The following MACROD2 variants were observed in gnomAD, a reference collection of about 807,000 sequenced individuals.
MACROD2 encodes the protein ADP-ribose glycohydrolase MACROD2.
A neutral mutation model predicts 70.4 loss-of-function variants in MACROD2; 36 were observed. The ratio of observed to expected loss-of-function variants is 0.51; its 90% CI spans 0.39 to 0.68. MACROD2 has a LOEUF of 0.68. MACROD2 is among the 30% of genes least tolerant of loss of function. The pLI, the probability that MACROD2 is intolerant of heterozygous loss-of-function variation, is 0.00. For synonymous variants in MACROD2, 172 were observed against 178.8 expected, an observed-to-expected ratio of 0.96 and a Z score of 0.30; for missense variants, 496 against 538.4, an observed-to-expected ratio of 0.92 and a Z score of 0.78.
rs74179733 is a variant in MACROD2, at chr20:14,082,353, T to A, written c.164-3268T>A. 4.5e-3 allele frequency among the ~76,000 whole-genome samples: 645 copies of A among 143,230 alleles called. 3 individuals are homozygous for A. Among genetic ancestry groups the A allele is most frequent in the Non-Finnish European group, 7.2e-3 (471 of 65,748 alleles). The allele number at this position is 143,230 out of a possible 152,430, so 94.0% of individuals were successfully genotyped here. A position where few individuals can be genotyped will look rare whatever the true frequency, so the allele number is the denominator to read the frequency against. On this transcript the variant is annotated intron_variant, in intron 2 of 17. Transcript: ENST00000684519. The stretch of plus-strand genomic sequence containing the variant: ...GCCACCATGCCCTGCTAATTTTTTG[T>A]ATTTTTTTTTTTTTTTTTTTAGTAG...
intron 4 of MACROD2, among the ~76,000 whole-genome samples, chr20:14,533,406 A>G (rs1217325741): frequency 6.6e-6 from 1 of 152,246 alleles, no homozygotes; most frequent in Non-Finnish European, 1.5e-5. Context: ...TATAAGAAGC[A>G]CATAGCCACA....
At chr20:15,805,735 C>T (rs2063763741) in intron 8 of MACROD2, among the ~76,000 whole-genome samples, 1 of 152,150 alleles carries the variant, frequency 6.6e-6, no homozygotes, top group African/African-American at 2.4e-5. Context: ...CTCGGCCTCC[C>T]AGAGTGCTGG....
chr20:15,015,736 C>T (rs1432268825), intron 5 of MACROD2, among the ~76,000 whole-genome samples: 1 of 152,124 alleles, frequency 6.6e-6, no homozygotes, highest in Non-Finnish European at 1.5e-5. Flanking sequence ...ACAGGTCAGC[C>T]CCTCACTGAA....
At chr20:15,828,354 A>G (rs1396940960) in intron 8 of MACROD2, among the ~76,000 whole-genome samples, 2 of 152,184 alleles carry the variant, frequency 1.3e-5, no homozygotes, top group African/African-American at 2.4e-5. Flanking sequence ...TACAACATAT[A>G]TGAAAGTAGA....
chr20:15,782,728 A>AAT, intron 8 of MACROD2, among the ~76,000 whole-genome samples: 1 of 151,476 alleles, frequency 6.6e-6, no homozygotes, highest in East Asian at 1.9e-4. Flanking sequence ...AAAAAAAAAA[A>AAT]AAAAAAAAAA....
chr20:15,442,213 C>T (rs1214542293), intron 7 of MACROD2, among the ~76,000 whole-genome samples: 1 of 152,156 alleles, frequency 6.6e-6, no homozygotes, highest in Non-Finnish European at 1.5e-5. Context: ...CTCCTTAGGA[C>T]AATGACTTTT....
intron 3 of MACROD2, among the ~76,000 whole-genome samples, chr20:14,492,832 C>T (rs867598188): frequency 1.7e-4 from 26 of 152,132 alleles, no homozygotes; most frequent in Middle Eastern, 3.4e-3. Context: ...AATGGAACTT[C>T]CTAAAAATTT....
At chr20:15,161,534 A>G (rs2076348485) in intron 5 of MACROD2, among the ~76,000 whole-genome samples, 2 of 151,924 alleles carry the variant, frequency 1.3e-5, no homozygotes, top group African/African-American at 4.8e-5. Flanking sequence ...GCCCATTCTA[A>G]GTGGGCTACT....
At chr20:14,455,526 A>G (rs2084291837) in intron 3 of MACROD2, among the ~76,000 whole-genome samples, 1 of 151,824 alleles carries the variant, frequency 6.6e-6, no homozygotes, top group African/African-American at 2.4e-5. Flanking sequence ...CCCTGTGGTA[A>G]CTGAGCTCGT....
intron 4 of MACROD2, among the ~76,000 whole-genome samples, chr20:14,569,857 C>A (rs1980067939): frequency 6.6e-6 from 1 of 151,636 alleles, no homozygotes; most frequent in Non-Finnish European, 1.5e-5. Flanking sequence ...CAAGTGCAAA[C>A]CACAAAGAAT....
At chr20:15,184,927 G>A (rs990442267) in intron 5 of MACROD2, among the ~76,000 whole-genome samples, 10 of 152,132 alleles carry the variant, frequency 6.6e-5, no homozygotes, top group African/African-American at 1.9e-4. Context: ...CATATCTTTC[G>A]GGAGCTGTTG....
In MACROD2 at chr20:15,673,657, A is replaced by G. The variant is rs2050013747; in HGVS notation, c.645+173810A>G. Among the ~76,000 whole-genome samples the G allele has an allele frequency of 6.6e-5, 10 of 152,330 alleles. No individual in the cohort carries two copies. In the South Asian group the frequency reaches 2.1e-3, roughly 32 times the overall value. ...ATAGGATATATTTTTCACTTTCTGT[A>G]GGCCAGATATTTTTTGAAGTACTTC... On this transcript the variant is annotated intron_variant, in intron 8 of 17. Transcript: ENST00000684519.
At chr20:15,138,609 C>T (rs1488623468) in intron 5 of MACROD2, among the ~76,000 whole-genome samples, 1 of 152,108 alleles carries the variant, frequency 6.6e-6, no homozygotes, top group African/African-American at 2.4e-5. Context: ...AAAAAGAAAC[C>T]TTCCATGTTG....
chr20:14,215,449 A>G (rs1218202863), intron 3 of MACROD2, among the ~76,000 whole-genome samples: 1 of 151,102 alleles, frequency 6.6e-6, no homozygotes, highest in Admixed American at 6.6e-5. Flanking sequence ...GCAATTGCGA[A>G]TTGTGCTGCT....
At chr20:14,627,579 C>G (rs73100677) in intron 4 of MACROD2, among the ~76,000 whole-genome samples, 4,796 of 152,302 alleles carry the variant, frequency 0.031, 131 homozygotes, top group East Asian at 0.15. Flanking sequence ...ATCTCTGCCT[C>G]AGAGCCTGTT....
At chr20:15,405,025 A>G (rs2045980501) in intron 6 of MACROD2, among the ~76,000 whole-genome samples, 2 of 152,230 alleles carry the variant, frequency 1.3e-5, no homozygotes, top group South Asian at 4.1e-4. Context: ...GAAAGAAGCC[A>G]GATACAAAAT....
intron 5 of MACROD2, among the ~76,000 whole-genome samples, chr20:14,887,040 G>T (rs975014472): frequency 1.3e-5 from 2 of 152,042 alleles, no homozygotes; most frequent in Non-Finnish European, 2.9e-5. Context: ...AGGATGGGAG[G>T]CACTTCCATT....
intron 5 of MACROD2, among the ~76,000 whole-genome samples, chr20:14,857,859 C>T (rs1484542874): frequency 7.3e-6 from 1 of 137,432 alleles, no homozygotes; most frequent in Non-Finnish European, 1.6e-5. Flanking sequence ...TCACTCTTGT[C>T]GCCCAGGCTG....
At chr20:14,644,926 A>T (rs1158683811) in intron 4 of MACROD2, among the ~76,000 whole-genome samples, 3 of 152,156 alleles carry the variant, frequency 2.0e-5, no homozygotes, top group Non-Finnish European at 4.4e-5. Flanking sequence ...TGTAGGCAGG[A>T]AACAAATAAT....
Sources: gnomAD v4.1 joint callset for allele counts (sites outside exome capture counted in the v4.1 genomes callset) on GRCh38, gnomAD v4.1.1 for gene constraint, MANE v1.5 for transcripts, NCBI Gene and HGNC (gene_info 2026-07-23, HGNC 2026-07-21) for gene names.